The following SPAST variants were observed in gnomAD, a reference collection of about 807,000 sequenced individuals.
The protein encoded by SPAST is spastic paraplegia 4 (autosomal dominant; spastin).
Under a neutral mutation model 76.6 loss-of-function variants are expected in SPAST, and 30 were observed. The ratio of observed to expected loss-of-function variants is 0.39; its 90% CI spans 0.29 to 0.53. The LOEUF (loss-of-function observed/expected upper bound fraction) is 0.53. Ranked by LOEUF, SPAST falls within the 20% of genes least tolerant of loss-of-function variation. The pLI, the probability that SPAST is intolerant of heterozygous loss-of-function variation, is 0.68. For missense variants in SPAST, 717 were observed against 770.5 expected, an observed-to-expected ratio of 0.93 and a Z score of 0.82; for synonymous variants, 305 against 281.0, an observed-to-expected ratio of 1.09 and a Z score of -0.86.
intron 4 of SPAST, among the ~76,000 whole-genome samples, chr2:32,105,355 A>T (rs1678280878): frequency 6.6e-6 from 1 of 152,126 alleles, no homozygotes; most frequent in Non-Finnish European, 1.5e-5. Flanking sequence ...CCATTTGTCT[A>T]ATCTTTTTTC....
intron 7 of SPAST, among the ~76,000 whole-genome samples, chr2:32,117,819 A>C (rs7574000): frequency 0.28 from 41,928 of 152,022 alleles, 6,197 homozygotes; most frequent in East Asian, 0.55. Flanking sequence ...GGCAGAGGCC[A>C]CTGTGCCTGG....
chr2:32,115,977 G>A (rs1387724204), intron 6 of SPAST, 142 bp downstream of exon 6: 6 of 950,474 alleles, frequency 6.3e-6, no homozygotes, highest in East Asian at 5.2e-5. Context: ...AATTATAAAT[G>A]TAGAAAACCA....
chr2:32,096,817 G>A (rs1243042893), intron 3 of SPAST, among the ~76,000 whole-genome samples: 3 of 151,616 alleles, frequency 2.0e-5, no homozygotes, highest in African/African-American at 7.3e-5. Context: ...AAGGGTTTCT[G>A]TCTCAGCATG....
chr2:32,137,339 T>G (rs1679573336), intron 12 of SPAST, 151 bp downstream of exon 12: 1 of 730,274 alleles, frequency 1.4e-6, no homozygotes, highest in South Asian at 1.5e-5. Flanking sequence ...ACCAACTACA[T>G]AAGGATTTTG....
intron 1 of SPAST, among the ~76,000 whole-genome samples, chr2:32,081,897 G>C (rs920512495): frequency 1.3e-5 from 2 of 149,246 alleles, no homozygotes; most frequent in South Asian, 4.2e-4. Context: ...CCATCCTAAT[G>C]GGCTTGATAT....
chr2:32,090,967 T>C (rs1677690457), intron 3 of SPAST, among the ~76,000 whole-genome samples: 1 of 152,136 alleles, frequency 6.6e-6, no homozygotes, highest in African/African-American at 2.4e-5. Flanking sequence ...AGTGATACTT[T>C]AATTCTGTCA....
intron 4 of SPAST, among the ~76,000 whole-genome samples, chr2:32,109,035 TA>T (rs1196792819): frequency 6.6e-6 from 1 of 151,942 alleles, no homozygotes; most frequent in African/African-American, 2.4e-5. Context: ...GTGCTGGCAT[TA>T]CAGGCCTGAG....
Position 32,156,576 on chromosome 2 carries a change from A to C in SPAST, c.*2080A>C, listed in dbSNP as rs1249819383. 1 of 152,196 alleles carries C rather than the reference A, an allele frequency of 6.6e-6. No homozygotes were observed. Among genetic ancestry groups the C allele is most frequent in the Non-Finnish European group, 1.5e-5 (1 of 68,036 alleles). The allele number at this position is 152,196 out of a possible 1,614,324, so 9.4% of individuals were successfully genotyped here. A position where few individuals can be genotyped will look rare whatever the true frequency, so the allele number is the denominator to read the frequency against. On this transcript the variant is annotated 3_prime_UTR_variant, in exon 17 of 17. Transcript: ENST00000315285. ...TACTGATAACGAAAGGTAGTAATGA[A>C]ATATATATGATGAAAAGAATTGAGA...
At chr2:32,111,659 T>C (rs992793790) in intron 4 of SPAST, among the ~76,000 whole-genome samples, 1 of 150,968 alleles carries the variant, frequency 6.6e-6, no homozygotes, top group African/African-American at 2.4e-5. Flanking sequence ...TATAGGTATA[T>C]ACTCTTTTCT....
At chr2:32,136,843 TTTAA>T (rs1240702106) in intron 10 of SPAST, 30 bp from the exon 11 acceptor site, 1 of 1,546,532 alleles carries the variant, frequency 6.5e-7, no homozygotes, top group African/African-American at 1.4e-5. Context: ...TAGCTTGGTC[TTTAA>T]TTAAAGTCTT....
chr2:32,070,792 G>T (rs984578824), intron 1 of SPAST, among the ~76,000 whole-genome samples: 2 of 152,138 alleles, frequency 1.3e-5, no homozygotes, highest in African/African-American at 4.8e-5. Flanking sequence ...ACCATGCTTG[G>T]CTGATTTTTT....
intron 1 of SPAST, among the ~76,000 whole-genome samples, chr2:32,075,242 G>A (rs561537287): frequency 1.3e-5 from 2 of 151,346 alleles, no homozygotes; most frequent in East Asian, 4.0e-4. Flanking sequence ...CTAACACGGT[G>A]AAACCCCATC....
rs772093739 is a variant in SPAST at position 32,116,242 on chromosome 2, A to G, written c.1098+30A>G. 53 of 1,390,946 alleles carry G rather than the reference A, an allele frequency of 3.8e-5. No individual in the cohort carries two copies. The South Asian group carries it at 4.3e-4, about 11-fold the overall frequency. 86.2% of individuals were successfully genotyped at this position (1,390,946 alleles called of 1,614,324 possible). ...GAACTTTATATTATCATTTTTCTAT[A>G]ATACCATCTGTTACTGAATCCATAG... On this transcript the variant is annotated intron_variant, in intron 7 of 16. Coordinates refer to ENST00000315285, the MANE Select transcript of SPAST (RefSeq NM_014946.4).
intron 16 of SPAST, among the ~76,000 whole-genome samples, chr2:32,152,202 T>C (rs1465075151): frequency 6.6e-6 from 1 of 152,216 alleles, no homozygotes; most frequent in East Asian, 1.9e-4. Flanking sequence ...CGTTAAAATA[T>C]CATATAAGTT....
rs1199946864 is a variant in SPAST, at chr2:32,097,611, C to A, written c.587-1185C>A. On this transcript the variant is annotated intron_variant, in intron 3 of 16. Transcript: ENST00000315285. ...CATATGTTAATGTGGCCAAATAGGG[C>A]ATTTCCCAGACAATCCTTATAGTTT... 2.0e-5 allele frequency among the ~76,000 whole-genome samples: 3 copies of A among 151,768 alleles called. No homozygotes were observed. The East Asian group carries it at 5.8e-4, about 29-fold the overall frequency.
chr2:32,148,210 T>A (rs977033104), intron 16 of SPAST, among the ~76,000 whole-genome samples: 2 of 151,848 alleles, frequency 1.3e-5, no homozygotes, highest in African/African-American at 4.8e-5. Flanking sequence ...TTGGGACTAA[T>A]TTTTTTTAAT....
intron 12 of SPAST, among the ~76,000 whole-genome samples, chr2:32,141,540 C>A (rs1403058794): frequency 6.6e-6 from 1 of 152,104 alleles, no homozygotes; most frequent in African/African-American, 2.4e-5. Flanking sequence ...TATTTTAGTT[C>A]CATAAATGTT....
At chr2:32,139,618 A>C (rs373148104) in intron 12 of SPAST, among the ~76,000 whole-genome samples, 151 of 152,242 alleles carry the variant, frequency 9.9e-4, no homozygotes, top group African/African-American at 3.2e-3. Flanking sequence ...ACCTGAGGTC[A>C]GGAGTTCGAG....
chr2:32,141,710 T>C (rs573380121), intron 12 of SPAST, among the ~76,000 whole-genome samples, 194 bp from the exon 13 acceptor site: 21 of 152,274 alleles, frequency 1.4e-4, no homozygotes, highest in Non-Finnish European at 2.6e-4. Flanking sequence ...TGATTAATTC[T>C]AACAATACCG....
Sources: gnomAD v4.1 joint callset for allele counts (sites outside exome capture counted in the v4.1 genomes callset) on GRCh38, gnomAD v4.1.1 for gene constraint, MANE v1.5 for transcripts, NCBI Gene and HGNC (gene_info 2026-07-23, HGNC 2026-07-21) for gene names.